USH2A: variants seen among roughly 807,000 people sequenced by gnomAD.
USH2A encodes Usher syndrome 2A (autosomal recessive, mild).
Under a neutral mutation model 538.9 loss-of-function variants are expected in USH2A, and 443 were observed. The ratio of observed to expected loss-of-function variants is 0.82; its 90% CI spans 0.76 to 0.89. The LOEUF is 0.89. Among genes scored for constraint, USH2A ranks in the 40% least tolerant of loss-of-function variants. The probability of loss-of-function intolerance (pLI) is 0.00; values close to 1 mark genes in which losing one functional copy is unlikely to be tolerated. For synonymous variants in USH2A, 2,413 were observed against 2,273.5 expected (o/e 1.06, Z -1.75); for missense variants, 6,633 against 6,324.8 (o/e 1.05, Z -1.65).
chr1:216,010,307 C>CA (rs1402724671), intron 32 of USH2A, among the ~76,000 whole-genome samples: 2 of 152,168 alleles, frequency 1.3e-5, no homozygotes, highest in Non-Finnish European at 2.9e-5. Context: ...GCCACCAGGC[C>CA]AGGGAATTCC....
rs371593307 is a variant in USH2A, at chr1:216,104,958, T to C, written c.4628-7745A>G. Among the ~76,000 whole-genome samples, 5 of 152,176 alleles carry C rather than the reference T, an allele frequency of 3.3e-5. 1 individual carries two copies. The highest frequency in any genetic ancestry group is 2.0e-4 in the Admixed American group (3 of 15,288). ...GCTAATATCCAGAATCAAACAAATT[T>C]ACAAGAAAGAAACAAACAACCCCAT... On this transcript the variant is annotated intron_variant, in intron 21 of 71. Transcript: ENST00000307340.
chr1:215,790,109 G>A lies in USH2A; in HGVS notation c.10132C>T (p.Pro3378Ser). ...TTGTCAGAGCAAACATATTTCAAAG[G>A]ATTATATCCAACTCCATTACAGCAT... ...QKCCNGVGYN[P>S]LKYVCSDKIS... Residue 3378 changes from proline to serine, a missense_variant, in exon 51 of 72, where the codon CCT becomes TCT. Pro to Ser is a moderately conservative substitution (Grantham distance 74). Coordinates refer to ENST00000307340, the MANE Select transcript of USH2A (RefSeq NM_206933.4). 6.2e-7 allele frequency: 1 copy of A among 1,612,802 alleles called. No homozygotes were observed. The highest frequency in any genetic ancestry group is 1.3e-5 in the African/African-American group (1 of 74,654).
intron 37 of USH2A, among the ~76,000 whole-genome samples, chr1:215,955,117 T>G (rs1667029923): frequency 1.3e-5 from 2 of 152,198 alleles, no homozygotes; most frequent in Admixed American, 1.3e-4. Flanking sequence ...TATTAAAGTC[T>G]GTAATTTTAT....
rs191157744 is a variant in USH2A at position 216,211,038 on chromosome 1, C to A, written c.3158-3607G>T. Among the ~76,000 whole-genome samples, 20 of 152,034 alleles carry A rather than the reference C, an allele frequency of 1.3e-4. No individual in the cohort carries two copies. The East Asian group carries it at 3.7e-3, about 28-fold the overall frequency. On this transcript the variant is annotated intron_variant, in intron 15 of 71. Transcript: ENST00000307340. Reference sequence around the variant, plus strand: ...GGGGGTGGTGGGGGTACAGGGAGAGCTCCATGTAGTTTAACACGTGGAAGT... The same window carrying A: ...GGGGGTGGTGGGGGTACAGGGAGAGATCCATGTAGTTTAACACGTGGAAGT...
chr1:216,136,807 C>T (rs1296479709), intron 21 of USH2A, among the ~76,000 whole-genome samples: 2 of 152,072 alleles, frequency 1.3e-5, no homozygotes, highest in African/African-American at 2.4e-5. Context: ...GGTGACACTG[C>T]AAAAGGAACA....
intron 44 of USH2A, among the ~76,000 whole-genome samples, chr1:215,848,073 A>C (rs1663913470): frequency 6.6e-6 from 1 of 152,156 alleles, no homozygotes; most frequent in African/African-American, 2.4e-5. Context: ...ATTATTGATC[A>C]TCGGCAGGAA....
intron 37 of USH2A, among the ~76,000 whole-genome samples, chr1:215,939,238 A>AT (rs1666576099): frequency 6.6e-6 from 1 of 152,186 alleles, no homozygotes; most frequent in South Asian, 2.1e-4. Flanking sequence ...ATTGGCCAAC[A>AT]TCACACATCA....
chr1:215,960,883 C>T (rs1466975256), intron 37 of USH2A, among the ~76,000 whole-genome samples: 1 of 152,052 alleles, frequency 6.6e-6, no homozygotes, highest in East Asian at 1.9e-4. Flanking sequence ...ACTTGTCACA[C>T]CATCTAGTTT....
chr1:216,390,686 T>A (rs1231261324), intron 3 of USH2A, among the ~76,000 whole-genome samples: 1 of 152,186 alleles, frequency 6.6e-6, no homozygotes, highest in African/African-American at 2.4e-5. Context: ...GATACAGGAA[T>A]AATAATTTGG....
intron 44 of USH2A, 37 bp downstream of exon 44, chr1:215,866,970 C>A: frequency 1.2e-6 from 2 of 1,613,734 alleles, no homozygotes; most frequent in Non-Finnish European, 1.7e-6. Context: ...TTTAAAAATA[C>A]ACAAAGTGTT....
chr1:216,351,150 A>T (rs924930916), intron 4 of USH2A, among the ~76,000 whole-genome samples: 2 of 152,184 alleles, frequency 1.3e-5, no homozygotes, highest in African/African-American at 4.8e-5. Context: ...CAAATAAAAA[A>T]AATCTTGCTT....
chr1:216,110,772 G>A lies in USH2A; in HGVS notation c.4628-13559C>T, dbSNP rs576442138. ...TGTGATGGTTAAGCAGGACTGTGAA[G>A]ACTGAATTAAAATTCAGTGTGTGCA... On this transcript the variant is annotated intron_variant, in intron 21 of 71. Coordinates refer to ENST00000307340, the MANE Select transcript of USH2A (RefSeq NM_206933.4). Among the ~76,000 whole-genome samples, 122 of 152,312 alleles carry A rather than the reference G, an allele frequency of 8.0e-4. 1 individual carries two copies. The highest frequency in any genetic ancestry group is 2.8e-3 in the African/African-American group (115 of 41,574).
At chr1:216,228,751 G>C (rs1303393692) in intron 14 of USH2A, among the ~76,000 whole-genome samples, 1 of 152,110 alleles carries the variant, frequency 6.6e-6, no homozygotes, top group Non-Finnish European at 1.5e-5. Flanking sequence ...ATACAGGGAT[G>C]GAAGAAAAGT....
chr1:215,756,872 C>G (rs1481112348), intron 58 of USH2A, among the ~76,000 whole-genome samples: 1 of 151,978 alleles, frequency 6.6e-6, no homozygotes, highest in African/African-American at 2.4e-5. Flanking sequence ...GAGATTGCAC[C>G]ACTGCACTCC....
rs2102665356 is a variant in USH2A, at chr1:215,674,541, G to C, written c.13370C>G (p.Ser4457Ter). The C allele has an allele frequency of 6.2e-7, 1 of 1,614,088 alleles. No individual in the cohort carries two copies. The highest frequency in any genetic ancestry group is 8.5e-7 in the Non-Finnish European group (1 of 1,180,020). The change falls in exon 63 of 72, where the codon TCA becomes TGA. Residue 4457 changes from serine to a stop codon, truncating the protein, a stop_gained. Transcript: ENST00000307340. LOFTEE classifies it high-confidence loss of function. ...MDSPTLQVTG[S>*]ESIEITWKPP... is the part of the protein sequence containing the mutation. The stretch of plus-strand genomic sequence containing the variant: ...TTTCCAGGTGATTTCTATTGATTCT[G>C]AGCCTGTGACTTGCAATGTTGGAGA...
intron 9 of USH2A, among the ~76,000 whole-genome samples, chr1:216,303,146 C>T (rs1373645250): frequency 1.3e-5 from 2 of 151,912 alleles, no homozygotes; most frequent in Non-Finnish European, 2.9e-5. Flanking sequence ...CACATGGGGA[C>T]ACACCACGTT....
At chr1:216,180,772 T>C (rs1307111513) in intron 20 of USH2A, among the ~76,000 whole-genome samples, 1 of 152,158 alleles carries the variant, frequency 6.6e-6, no homozygotes, top group East Asian at 1.9e-4. Flanking sequence ...TAAGACATTC[T>C]TAATAAGCAC....
intron 20 of USH2A, among the ~76,000 whole-genome samples, chr1:216,184,592 T>C (rs2034560574): frequency 6.6e-6 from 1 of 151,944 alleles, no homozygotes. Context: ...AAGATTGTAT[T>C]ATGAAACAAA....
intron 4 of USH2A, among the ~76,000 whole-genome samples, chr1:216,337,223 G>C (rs536369285): frequency 4.0e-4 from 61 of 151,480 alleles, no homozygotes; most frequent in African/African-American, 1.3e-3. Context: ...AGCAGGCCCT[G>C]TTCTGTGTGC....
Sources: gnomAD v4.1 joint callset for allele counts (sites outside exome capture counted in the v4.1 genomes callset) on GRCh38, gnomAD v4.1.1 for gene constraint, MANE v1.5 for transcripts, NCBI Gene and HGNC (gene_info 2026-07-23, HGNC 2026-07-21) for gene names.